Variants in CEP164 observed in about 807,000 individuals in gnomAD.
The protein encoded by CEP164 is centrosomal protein 164.
CEP164 carries 162 observed loss-of-function variants against 182.7 expected under a neutral mutation model. That is an observed-to-expected ratio of 0.89 (90% CI 0.78 to 1.01). The LOEUF is 1.01. Ranked by LOEUF, CEP164 falls within the 50% of genes least tolerant of loss-of-function variation. CEP164 has a pLI of 0.00. For missense variants in CEP164, 1,735 were observed against 1,790.4 expected (o/e 0.97, Z 0.56); for synonymous variants, 661 against 690.0 (o/e 0.96, Z 0.66).
At chr11:117,410,387 A>G (rs1307643133) in intron 30 of CEP164, 4 of 290,832 alleles carry the variant, frequency 1.4e-5, no homozygotes, top group African/African-American at 8.8e-5. Context: ...ATTTATCCCC[A>G]TTTTACAGAT....
chr11:117,385,008 A>C (rs977650196), intron 14 of CEP164: 1 of 152,270 alleles, frequency 6.6e-6, no homozygotes, highest in Non-Finnish European at 1.5e-5. Context: ...TTTCCAGAGA[A>C]GAGGGTAAAA....
chr11:117,328,358 G>A (rs2035643968), intron 1 of CEP164: 1 of 152,292 alleles, frequency 6.6e-6, no homozygotes, highest in Admixed American at 6.5e-5. Context: ...GTCCAAATCC[G>A]GGGCTAGCCC....
At chr11:117,393,221 G>GCA in intron 20 of CEP164, 95 bp downstream of exon 20, 1 of 1,501,750 alleles carries the variant, frequency 6.7e-7, no homozygotes, top group Non-Finnish European at 8.9e-7. Context: ...GCACGCACAT[G>GCA]CACACACACC....
chr11:117,356,440 A>C, intron 5 of CEP164: 1 of 1,255,332 alleles, frequency 8.0e-7, no homozygotes, highest in Non-Finnish European at 1.0e-6. Flanking sequence ...GGTTTCTGTC[A>C]TGGGAGCCAG....
upstream of CEP164, among the ~76,000 whole-genome samples, chr11:117,325,188 G>A (rs1448305478): frequency 1.3e-5 from 2 of 152,128 alleles, no homozygotes; most frequent in Admixed American, 6.6e-5. Context: ...GGGTTCAAGC[G>A]ATTCTCCTGC....
At chr11:117,336,506 G>A in intron 2 of CEP164, 1 of 1,523,658 alleles carries the variant, frequency 6.6e-7, no homozygotes, top group Non-Finnish European at 9.0e-7. Flanking sequence ...CCTAGGGGAG[G>A]AGGACAGGGG....
Position 117,373,851 on chromosome 11 carries a change from A to C in CEP164, c.1233+20A>C. 6.2e-7 allele frequency: 1 copy of C among 1,604,314 alleles called. No individual in the cohort carries two copies. The highest frequency in any genetic ancestry group is 8.5e-7 in the Non-Finnish European group (1 of 1,171,156). The stretch of plus-strand genomic sequence containing the variant: ...GGCCTGGTGAGTTTGAGATGAGGGC[A>C]GTAGAGTGGTGGTGAAGAGCATAGA... On this transcript the variant is annotated intron_variant, in intron 10 of 32. Transcript: ENST00000278935.
At chr11:117,371,504 G>A in intron 9 of CEP164, 38 bp downstream of exon 9, 1 of 1,570,134 alleles carries the variant, frequency 6.4e-7, no homozygotes, top group Non-Finnish European at 8.6e-7. Context: ...GTTGGCTGTA[G>A]CCCTCTGCTG....
chr11:117,373,706 T>C (rs755603910), intron 9 of CEP164, 45 bp from the exon 10 acceptor site: 1 of 1,552,930 alleles, frequency 6.4e-7, no homozygotes, highest in South Asian at 1.1e-5. Flanking sequence ...CCATGACTCT[T>C]TGTGCTCTGC....
Position 117,371,433 on chromosome 11 carries a change from T to C in CEP164, c.1119T>C (p.Ser373=), listed in dbSNP as rs771288567. Reference sequence around the variant, plus strand: ...CCAAGGAGCCAAAGAAGAAGGCTTCTGCTCTGGAAGAGGGCAGTTCAGACG... The same window carrying C: ...CCAAGGAGCCAAAGAAGAAGGCTTCCGCTCTGGAAGAGGGCAGTTCAGACG... The part of the protein sequence containing the change: ...EAAKEPKKKA[S]ALEEGSSDAS... Residue 373 remains serine (S), a synonymous_variant, in exon 9 of 33, where the codon TCT becomes TCC. Transcript: ENST00000278935. 3 of 1,613,556 alleles carry C rather than the reference T, an allele frequency of 1.9e-6. No individual in the cohort carries two copies. The African/African-American group carries it at 4.0e-5, about 22-fold the overall frequency.
At chr11:117,373,924 A>G (rs1193198277) in intron 10 of CEP164, 93 bp downstream of exon 10, 1 of 1,077,054 alleles carries the variant, frequency 9.3e-7, no homozygotes, top group Non-Finnish European at 1.4e-6. Context: ...CACGCAGCTT[A>G]TAAGTGGGAG....
intron 11 of CEP164, among the ~76,000 whole-genome samples, chr11:117,379,975 A>G (rs1217694786): frequency 6.7e-6 from 1 of 149,942 alleles, no homozygotes; most frequent in African/African-American, 2.5e-5. Flanking sequence ...GCTGACTGGG[A>G]AGGGGGCATC....
chr11:117,335,604 G>A lies in CEP164; in HGVS notation c.-97-1G>A, dbSNP rs1487403084. The A allele has an allele frequency of 1.4e-5, 2 of 146,364 alleles. No individual in the cohort carries two copies. Among genetic ancestry groups the A allele is most frequent in the African/African-American group, 5.1e-5 (2 of 39,266 alleles). The allele number at this position is 146,364 out of a possible 1,614,324, so 9.1% of individuals were successfully genotyped here. On this transcript the variant is annotated splice_acceptor_variant, in intron 1 of 32. Coordinates refer to ENST00000278935, the MANE Select transcript of CEP164 (RefSeq NM_014956.5). LOFTEE classifies it low-confidence loss of function (5UTR_SPLICE). Reference sequence around the variant, plus strand: ...CTTTTTTTTTTTTTTTTTTCAACCAGGAGAAATAACTTTATTTGGACTGAG... The same window carrying A: ...CTTTTTTTTTTTTTTTTTTCAACCAAGAGAAATAACTTTATTTGGACTGAG...
intron 1 of CEP164, among the ~76,000 whole-genome samples, chr11:117,328,834 C>A (rs1250037519): frequency 1.3e-5 from 2 of 152,200 alleles, no homozygotes; most frequent in South Asian, 4.1e-4. Flanking sequence ...TTGGACGAGG[C>A]ATAGAAATGA....
At chr11:117,403,299 G>A (rs1565618168) in intron 27 of CEP164, among the ~76,000 whole-genome samples, 1 of 152,214 alleles carries the variant, frequency 6.6e-6, no homozygotes, top group Non-Finnish European at 1.5e-5. Flanking sequence ...TTTTGCAGTG[G>A]CTGGTAGCGG....
Position 117,395,187 on chromosome 11 carries a change from G to A in CEP164, c.2909G>A (p.Ser970Asn). ...GTGCAGAGGCAGGTTGCTCTGAAGA[G>A]TGAGGTTTGTCTCCCTGTTTTGTCC... ...LDVQRQVALK[S>N]EEATATHQQL... The change falls in exon 23 of 33, where the codon AGT becomes AAT. Residue 970 changes from serine to asparagine, a missense_variant. By Grantham distance (46) the Ser-to-Asn change is conservative. Coordinates refer to ENST00000278935, the MANE Select transcript of CEP164 (RefSeq NM_014956.5). The A allele has an allele frequency of 6.2e-7, 1 of 1,613,646 alleles. No individual in the cohort carries two copies. The highest frequency in any genetic ancestry group is 1.1e-5 in the South Asian group (1 of 91,072).
intron 26 of CEP164, 140 bp downstream of exon 26, chr11:117,396,751 A>G: frequency 1.4e-6 from 1 of 739,248 alleles, no homozygotes; most frequent in Non-Finnish European, 2.4e-6. Context: ...AAGGCTCCGG[A>G]GGATTAAGGA....
intron 5 of CEP164, among the ~76,000 whole-genome samples, chr11:117,360,167 A>G (rs2040770563): frequency 1.3e-5 from 2 of 151,350 alleles, no homozygotes; most frequent in Non-Finnish European, 2.9e-5. Context: ...GGTCATTTTT[A>G]TTTTTTAGAG....
rs2135973306 is a variant in CEP164 at position 117,373,846 on chromosome 11, AG to A, written c.1233+18del. 1.2e-6 allele frequency: 2 copies of A among 1,607,650 alleles called. No individual in the cohort carries two copies. The highest frequency in any genetic ancestry group is 1.7e-6 in the Non-Finnish European group (2 of 1,174,198). ...TCCATGGCCTGGTGAGTTTGAGATG[AG>A]GGCAGTAGAGTGGTGGTGAAGAGCA... On this transcript the variant is annotated intron_variant, in intron 10 of 32. Transcript: ENST00000278935.
Sources: allele counts gnomAD v4.1 joint callset (sites outside exome capture counted in the v4.1 genomes callset), GRCh38; gene constraint gnomAD v4.1.1; transcripts MANE v1.5; gene names NCBI Gene and HGNC (gene_info 2026-07-23, HGNC 2026-07-21).